PKIB: variants seen among roughly 807,000 people sequenced by gnomAD.
The protein encoded by PKIB is PKI-beta.
PKIB carries 2 observed loss-of-function variants against 4.5 expected under a neutral mutation model. The observed-to-expected ratio is 0.44, with a 90% CI of 0.18 to 1.39. The LOEUF (loss-of-function observed/expected upper bound fraction) is 1.39, where lower values mean the gene tolerates loss of function less well. Ranked by LOEUF, PKIB falls within the 40% of genes most tolerant of loss-of-function variation. The pLI, the probability that PKIB is intolerant of heterozygous loss-of-function variation, is 0.27. For synonymous variants in PKIB, 38 were observed against 36.0 expected, an observed-to-expected ratio of 1.06 and a Z score of -0.20; for missense variants, 94 against 92.6, an observed-to-expected ratio of 1.02 and a Z score of -0.06.
chr6:122,539,108 A>G (rs1777503773), intron 2 of PKIB, among the ~76,000 whole-genome samples: 1 of 152,230 alleles, frequency 6.6e-6, no homozygotes, highest in South Asian at 2.1e-4. Flanking sequence ...TTCTAGATAT[A>G]CAATCAATTC....
chr6:122,690,314 T>C (rs1361159661), intron 3 of PKIB, among the ~76,000 whole-genome samples: 1 of 152,074 alleles, frequency 6.6e-6, no homozygotes, highest in Non-Finnish European at 1.5e-5. Context: ...AGTTGTTTTG[T>C]GGTCTTTTCT....
At chr6:122,684,165 G>C (rs975265777) in intron 3 of PKIB, among the ~76,000 whole-genome samples, 1 of 152,100 alleles carries the variant, frequency 6.6e-6, no homozygotes, top group Admixed American at 6.6e-5. Flanking sequence ...GTGGAATGAT[G>C]GTGGTTGCCA....
intron 3 of PKIB, among the ~76,000 whole-genome samples, chr6:122,683,841 A>G (rs956564639): frequency 6.6e-6 from 1 of 152,204 alleles, no homozygotes; most frequent in African/African-American, 2.4e-5. Context: ...AGGCTATGAT[A>G]TGATCCAGCC....
At chr6:122,665,266 T>G (rs1229570022) in intron 2 of PKIB, among the ~76,000 whole-genome samples, 1 of 152,226 alleles carries the variant, frequency 6.6e-6, no homozygotes, top group Non-Finnish European at 1.5e-5. Context: ...GAAACCTTAA[T>G]TTGGCCAGTT....
At chr6:122,558,662 T>C (rs1348529108) in intron 2 of PKIB, among the ~76,000 whole-genome samples, 4 of 152,172 alleles carry the variant, frequency 2.6e-5, no homozygotes, top group Admixed American at 6.6e-5. Context: ...ATTGCTTCTA[T>C]GTAATATAAT....
chr6:122,622,033 T>C (rs528283193), intron 1 of PKIB, among the ~76,000 whole-genome samples: 9 of 152,276 alleles, frequency 5.9e-5, no homozygotes, highest in African/African-American at 2.2e-4. Context: ...TGAGTTAGGG[T>C]GTGTGGAACT....
chr6:122,714,515 A>G (rs1779400968), intron 3 of PKIB, among the ~76,000 whole-genome samples: 1 of 152,196 alleles, frequency 6.6e-6, no homozygotes, highest in African/African-American at 2.4e-5. Context: ...AAATAATAAT[A>G]TAAAGGCAAA....
At chr6:122,575,216 C>T (rs1264054189) in intron 2 of PKIB, among the ~76,000 whole-genome samples, 2 of 152,042 alleles carry the variant, frequency 1.3e-5, no homozygotes, top group Admixed American at 6.6e-5. Context: ...CTTACTCTTG[C>T]AAGAATGGCC....
chr6:122,476,793 C>A (rs1775460377), intron 1 of PKIB, among the ~76,000 whole-genome samples: 1 of 152,078 alleles, frequency 6.6e-6, no homozygotes, highest in South Asian at 2.1e-4. Context: ...TTTTCAAGGG[C>A]AGATGTATTG....
At chr6:122,533,690 C>T (rs1218286398) in intron 2 of PKIB, among the ~76,000 whole-genome samples, 6 of 152,124 alleles carry the variant, frequency 3.9e-5, no homozygotes, top group Non-Finnish European at 8.8e-5. Flanking sequence ...AATTGGATTA[C>T]TCAAGAAACA....
At chr6:122,515,722 T>A (rs1443931876) in intron 2 of PKIB, among the ~76,000 whole-genome samples, 1 of 152,144 alleles carries the variant, frequency 6.6e-6, no homozygotes, top group Non-Finnish European at 1.5e-5. Context: ...GAGTTGTTTG[T>A]TTGTTTGTTT....
At chr6:122,707,066 T>A (rs781732377) in intron 3 of PKIB, among the ~76,000 whole-genome samples, 20 of 152,262 alleles carry the variant, frequency 1.3e-4, no homozygotes, top group Non-Finnish European at 2.2e-4. Context: ...TTTATAAAAG[T>A]TAAATGTATC....
intron 3 of PKIB, among the ~76,000 whole-genome samples, chr6:122,707,136 T>C (rs1393618129): frequency 1.3e-5 from 2 of 152,088 alleles, no homozygotes; most frequent in African/African-American, 4.8e-5. Flanking sequence ...ATGCATAATT[T>C]GATGAAAAAA....
intron 2 of PKIB, among the ~76,000 whole-genome samples, chr6:122,540,670 G>A (rs1197180835): frequency 6.6e-6 from 1 of 152,018 alleles, no homozygotes; most frequent in African/African-American, 2.4e-5. Flanking sequence ...GATTTGGGGT[G>A]GAGAGCTCTG....
At chr6:122,513,780 G>C (rs1053874403) in intron 2 of PKIB, among the ~76,000 whole-genome samples, 1 of 152,116 alleles carries the variant, frequency 6.6e-6, no homozygotes, top group Non-Finnish European at 1.5e-5. Context: ...GCCTCCAGCT[G>C]TATCTATGTT....
intron 2 of PKIB, chr6:122,585,776 A>T (rs541425536): frequency 6.6e-6 from 1 of 152,280 alleles, no homozygotes; most frequent in Admixed American, 6.5e-5. Flanking sequence ...AAAATTTTTT[A>T]AAATGTGCAA....
At chr6:122,576,529 G>A (rs913004207) in intron 2 of PKIB, among the ~76,000 whole-genome samples, 5 of 151,100 alleles carry the variant, frequency 3.3e-5, no homozygotes, top group East Asian at 2.0e-4. Flanking sequence ...TTAGCCGGGC[G>A]TGGTGGCAGG....
At chr6:122,624,654 C>A in intron 1 of PKIB, among the ~76,000 whole-genome samples, 1 of 151,880 alleles carries the variant, frequency 6.6e-6, no homozygotes, top group African/African-American at 2.4e-5. Flanking sequence ...ATATAAAATC[C>A]AGATCAAAAG....
chr6:122,513,779 T>TA (rs1776659972), intron 2 of PKIB, among the ~76,000 whole-genome samples: 1 of 152,214 alleles, frequency 6.6e-6, no homozygotes, highest in Admixed American at 6.5e-5. Flanking sequence ...GGCCTCCAGC[T>TA]GTATCTATGT....
Sources: allele counts gnomAD v4.1 joint callset (sites outside exome capture counted in the v4.1 genomes callset), GRCh38; gene constraint gnomAD v4.1.1; transcripts MANE v1.5; gene names NCBI Gene and HGNC (gene_info 2026-07-23, HGNC 2026-07-21).